CDH13: variants seen among roughly 807,000 people sequenced by gnomAD.
CDH13 encodes the protein cadherin 13.
In CDH13, 24 loss-of-function variants were observed where a neutral mutation model predicts 63.8. The ratio of observed to expected loss-of-function variants is 0.38; its 90% confidence interval spans 0.27 to 0.53. The LOEUF (loss-of-function observed/expected upper bound fraction) is 0.53, where lower values mean the gene tolerates loss of function less well. Among genes scored for constraint, CDH13 ranks in the 20% least tolerant of loss-of-function variants. The probability of loss-of-function intolerance (pLI) is 0.85; values close to 1 mark genes in which losing one functional copy is unlikely to be tolerated. For synonymous variants in CDH13, 503 were observed against 355.3 expected, an observed-to-expected ratio of 1.42 and a Z score of -4.67; for missense variants, 1,049 against 903.1, an observed-to-expected ratio of 1.16 and a Z score of -2.07.
chr16:83,389,740 T>G (rs2091748100), intron 6 of CDH13, among the ~76,000 whole-genome samples: 1 of 152,146 alleles, frequency 6.6e-6, no homozygotes. Context: ...TGAATTAAAG[T>G]TTTCAGAGTT....
At chr16:83,353,770 A>G (rs2091003329) in intron 6 of CDH13, among the ~76,000 whole-genome samples, 1 of 152,134 alleles carries the variant, frequency 6.6e-6, no homozygotes, top group African/African-American at 2.4e-5. Flanking sequence ...TGCTCATATC[A>G]TTCACATTAG....
intron 10 of CDH13, among the ~76,000 whole-genome samples, chr16:83,716,664 A>G (rs1037546026): frequency 6.6e-6 from 1 of 151,972 alleles, no homozygotes; most frequent in Non-Finnish European, 1.5e-5. Context: ...TTGTATTTTT[A>G]GTAGAGATGG....
chr16:82,917,200 C>G (rs1186351192), intron 2 of CDH13, among the ~76,000 whole-genome samples: 1 of 152,122 alleles, frequency 6.6e-6, no homozygotes, highest in Non-Finnish European at 1.5e-5. Context: ...CGCATTAACT[C>G]TAAAGAAGGG....
intron 11 of CDH13, among the ~76,000 whole-genome samples, chr16:83,764,519 G>T (rs921539543): frequency 6.6e-6 from 1 of 152,046 alleles, no homozygotes; most frequent in Admixed American, 6.6e-5. Flanking sequence ...CTTTTAGCTG[G>T]TCCCCCACTG....
intron 1 of CDH13, among the ~76,000 whole-genome samples, chr16:82,810,891 G>A (rs189441548): frequency 9.2e-5 from 14 of 152,156 alleles, no homozygotes; most frequent in African/African-American, 2.6e-4. Context: ...GAAATGGGGG[G>A]AGGTATCAGG....
At chr16:83,737,250 G>A (rs570434844) in intron 10 of CDH13, among the ~76,000 whole-genome samples, 1 of 152,256 alleles carries the variant, frequency 6.6e-6, no homozygotes, top group Admixed American at 6.5e-5. Context: ...AGTGAGCGCT[G>A]TTAGACTCAA....
intron 7 of CDH13, among the ~76,000 whole-genome samples, chr16:83,506,976 G>T (rs1291905918): frequency 6.6e-6 from 1 of 152,192 alleles, no homozygotes; most frequent in African/African-American, 2.4e-5. Context: ...CACAAACACT[G>T]TGTGCAATCA....
intron 1 of CDH13, among the ~76,000 whole-genome samples, chr16:82,741,538 G>C (rs993002438): frequency 1.3e-5 from 2 of 152,208 alleles, no homozygotes; most frequent in Non-Finnish European, 2.9e-5. Flanking sequence ...AATCCTTGAA[G>C]ATGGGGGTCC....
intron 11 of CDH13, among the ~76,000 whole-genome samples, chr16:83,751,307 A>C (rs1375068032): frequency 6.6e-6 from 1 of 152,180 alleles, no homozygotes; most frequent in Admixed American, 6.5e-5. Context: ...TGTGTTTTAC[A>C]AAGATACACA....
intron 1 of CDH13, among the ~76,000 whole-genome samples, chr16:82,766,605 T>C (rs1219578996): frequency 1.3e-5 from 2 of 152,202 alleles, no homozygotes; most frequent in Non-Finnish European, 2.9e-5. Context: ...CAATACCTAA[T>C]GCTTCATACA....
intron 5 of CDH13, among the ~76,000 whole-genome samples, chr16:83,343,239 C>G (rs1489699824): frequency 1.3e-5 from 2 of 152,144 alleles, no homozygotes; most frequent in African/African-American, 4.8e-5. Context: ...CCTTCAAATT[C>G]TATCCATATT....
intron 3 of CDH13, among the ~76,000 whole-genome samples, chr16:83,067,849 G>A (rs760095908): frequency 5.3e-5 from 8 of 152,114 alleles, no homozygotes; most frequent in East Asian, 3.9e-4. Context: ...TCTAGATACC[G>A]GAATGTCTCA....
At chr16:83,004,528 T>A (rs894293005) in intron 2 of CDH13, among the ~76,000 whole-genome samples, 6 of 152,154 alleles carry the variant, frequency 3.9e-5, no homozygotes, top group Non-Finnish European at 7.4e-5. Context: ...TTCCCAAGAC[T>A]GAGTCTCATT....
At chr16:82,682,910 T>A (rs1435613450) in intron 1 of CDH13, among the ~76,000 whole-genome samples, 2 of 152,128 alleles carry the variant, frequency 1.3e-5, no homozygotes, top group Non-Finnish European at 2.9e-5. Flanking sequence ...CACACAGCCA[T>A]TGCCCACAGT....
chr16:83,645,359 C>T (rs1396456457), intron 8 of CDH13, among the ~76,000 whole-genome samples: 1 of 152,056 alleles, frequency 6.6e-6, no homozygotes, highest in African/African-American at 2.4e-5. Flanking sequence ...TACACATGAA[C>T]ATAAACGTGG....
At chr16:82,831,578 C>A (rs2038543001) in intron 1 of CDH13, among the ~76,000 whole-genome samples, 2 of 152,132 alleles carry the variant, frequency 1.3e-5, no homozygotes, top group South Asian at 4.1e-4. Flanking sequence ...AGGACCCCAG[C>A]TGTGGACCAC....
chr16:82,785,316 G>A (rs1384541522), intron 1 of CDH13, among the ~76,000 whole-genome samples: 3 of 152,168 alleles, frequency 2.0e-5, no homozygotes, highest in Non-Finnish European at 4.4e-5. Context: ...AGACAACTAA[G>A]CCATAACTGG....
chr16:82,952,417 C>A (rs1262373557), intron 2 of CDH13, among the ~76,000 whole-genome samples: 1 of 152,200 alleles, frequency 6.6e-6, no homozygotes, highest in South Asian at 2.1e-4. Context: ...AGTAAGCTTT[C>A]AATGAGTGTT....
chr16:83,434,926 A>C (rs1007699755), intron 6 of CDH13, among the ~76,000 whole-genome samples: 1 of 146,296 alleles, frequency 6.8e-6, no homozygotes, highest in Non-Finnish European at 1.5e-5. Flanking sequence ...TATATATAAT[A>C]TATAAATATA....
Sources: gnomAD v4.1 joint callset for allele counts (sites outside exome capture counted in the v4.1 genomes callset) on GRCh38, gnomAD v4.1.1 for gene constraint, MANE v1.5 for transcripts, NCBI Gene and HGNC (gene_info 2026-07-23, HGNC 2026-07-21) for gene names.